Variants in ERC2 observed in about 807,000 individuals in gnomAD.
ERC2 encodes the protein ERC protein 2.
Under a neutral mutation model 114.8 loss-of-function variants are expected in ERC2, and 42 were observed. The observed-to-expected ratio is 0.37, with a 90% CI of 0.29 to 0.47. ERC2 has a LOEUF of 0.47. ERC2 is among the 20% of genes least tolerant of loss of function. The pLI is 0.99. For missense variants in ERC2, 939 were observed against 1,150.7 expected (o/e 0.82, Z 2.66); for synonymous variants, 454 against 425.5 (o/e 1.07, Z -0.82).
In ERC2 at chr3:55,729,837, C is replaced by CAAAAAAAAAAAAAA. The variant is rs71096498; in HGVS notation, c.2712+4920_2712+4933dup. Among the ~76,000 whole-genome samples the CAAAAAAAAAAAAAA allele has an allele frequency of 4.1e-3, 252 of 61,634 alleles. 76 individuals carry two copies. The highest frequency in any genetic ancestry group is 7.4e-3 in the African/African-American group (86 of 11,690). 40.4% of individuals were successfully genotyped at this position (61,634 alleles called of 152,430 possible). On this transcript the variant is annotated intron_variant, in intron 15 of 17. Transcript: ENST00000288221. ...AGGGTAATGCAGTGAGACTCTATCG[C>CAAAAAAAAAAAAAA]AAAAAAAAAAAAAAAAAAAAAAAAA... is the stretch of plus-strand genomic sequence containing the variant.
chr3:55,649,389 T>C lies in ERC2; in HGVS notation c.*39+34405A>G, dbSNP rs536630817. Among the ~76,000 whole-genome samples the C allele has an allele frequency of 2.6e-4, 40 of 151,482 alleles. No individual in the cohort carries two copies. In the South Asian group the frequency reaches 7.7e-3, roughly 29 times the overall value. On this transcript the variant is annotated intron_variant, in intron 17 of 17. Coordinates refer to ENST00000288221, the MANE Select transcript of ERC2 (RefSeq NM_015576.3). ...AATTCTCCTGCCTCAGCCTCCCGAG[T>C]AGCTGGGACTACAGGCGCGCACCAC... is the stretch of plus-strand genomic sequence containing the variant.
intron 14 of ERC2, among the ~76,000 whole-genome samples, chr3:55,883,824 C>T (rs896027312): frequency 6.6e-6 from 1 of 151,916 alleles, no homozygotes; most frequent in African/African-American, 2.4e-5. Context: ...GGAGGCAGAG[C>T]TTGCAGTGAG....
intron 3 of ERC2, among the ~76,000 whole-genome samples, chr3:56,220,450 A>G (rs965190512): frequency 2.6e-5 from 4 of 152,234 alleles, no homozygotes; most frequent in Non-Finnish European, 4.4e-5. Flanking sequence ...TGAAGCAGAA[A>G]TGTATTGAAA....
chr3:56,430,964 G>C (rs2061764501), intron 2 of ERC2, among the ~76,000 whole-genome samples: 1 of 152,114 alleles, frequency 6.6e-6, no homozygotes. Flanking sequence ...GCATGAAATA[G>C]ACCAATGCCT....
At chr3:56,417,296 T>C (rs2061204400) in intron 2 of ERC2, among the ~76,000 whole-genome samples, 1 of 152,214 alleles carries the variant, frequency 6.6e-6, no homozygotes, top group Non-Finnish European at 1.5e-5. Flanking sequence ...CCTACAATGA[T>C]AGTGAATTTA....
rs565699794 is a variant in ERC2, at chr3:56,414,386, TG to T, written c.657+19964del. ...GGCCCTTTCCCATTTTCTGGTTCTG[TG>T]GGGGTAGCTCTTAAATTCCTTGAAG... On this transcript the variant is annotated intron_variant, in intron 2 of 17. Coordinates refer to ENST00000288221, the MANE Select transcript of ERC2 (RefSeq NM_015576.3). 3.3e-5 allele frequency among the ~76,000 whole-genome samples: 5 copies of T among 152,304 alleles called. No individual in the cohort carries two copies. In the South Asian group the frequency reaches 1.0e-3, roughly 32 times the overall value.
intron 6 of ERC2, among the ~76,000 whole-genome samples, chr3:56,105,390 A>T (rs879607478): frequency 9.5e-6 from 1 of 104,844 alleles, no homozygotes; most frequent in Non-Finnish European, 2.1e-5. Context: ...TGCAACTCCA[A>T]CCAACTCCAA....
At chr3:56,350,078 C>T (rs1211036832) in intron 2 of ERC2, among the ~76,000 whole-genome samples, 1 of 152,138 alleles carries the variant, frequency 6.6e-6, no homozygotes. Context: ...AAATGTCTAG[C>T]CCAGAACAAC....
At chr3:55,949,324 C>A (rs531738437) in intron 13 of ERC2, among the ~76,000 whole-genome samples, 2 of 151,846 alleles carry the variant, frequency 1.3e-5, no homozygotes, top group Non-Finnish European at 2.9e-5. Context: ...GACCCAAGAT[C>A]GCGCCACTGC....
intron 7 of ERC2, among the ~76,000 whole-genome samples, chr3:56,079,475 T>C (rs746336231): frequency 1.5e-3 from 226 of 152,194 alleles, no homozygotes; most frequent in Non-Finnish European, 2.2e-3. Context: ...CAGTGACTGA[T>C]GTAGTCTGAG....
chr3:55,720,924 A>T (rs1416725394), intron 15 of ERC2, among the ~76,000 whole-genome samples: 1 of 152,220 alleles, frequency 6.6e-6, no homozygotes, highest in Non-Finnish European at 1.5e-5. Context: ...CCCAGAGAAG[A>T]TGCTTCAAGA....
chr3:55,692,397 T>G (rs2062712671), intron 16 of ERC2, among the ~76,000 whole-genome samples: 2 of 152,232 alleles, frequency 1.3e-5, no homozygotes, highest in East Asian at 3.9e-4. Context: ...AAAAAAGAAC[T>G]AGGGCCAGGA....
rs193144759 is a variant in ERC2, at chr3:55,615,299, T to G, written c.*39+68495A>C. Among the ~76,000 whole-genome samples, 739 of 152,332 alleles carry G rather than the reference T, an allele frequency of 4.9e-3. 11 individuals are homozygous for G. Among genetic ancestry groups the G allele is most frequent in the African/African-American group, 0.017 (700 of 41,576 alleles). Reference sequence around the variant, plus strand: ...GACAAAGTTGACAAATTTCATGGCTTAGTCATGGTTAACATATCAGATTTC... The same window carrying G: ...GACAAAGTTGACAAATTTCATGGCTGAGTCATGGTTAACATATCAGATTTC... On this transcript the variant is annotated intron_variant, in intron 17 of 17. Transcript: ENST00000288221.
intron 2 of ERC2, among the ~76,000 whole-genome samples, chr3:56,380,319 C>A (rs1321155082): frequency 1.3e-5 from 2 of 152,070 alleles, no homozygotes; most frequent in Non-Finnish European, 2.9e-5. Context: ...TTGTCTGATT[C>A]TAAAGTATAT....
chr3:55,819,810 A>G (rs999468388), intron 14 of ERC2, among the ~76,000 whole-genome samples: 1 of 152,240 alleles, frequency 6.6e-6, no homozygotes, highest in Admixed American at 6.5e-5. Context: ...CAAAGGGTCC[A>G]ACTCAAACCT....
At chr3:55,605,154 C>T (rs778552051) in intron 17 of ERC2, among the ~76,000 whole-genome samples, 5 of 151,520 alleles carry the variant, frequency 3.3e-5, no homozygotes, top group East Asian at 1.9e-4. Flanking sequence ...CTCACTCTGT[C>T]GCCCATGCTG....
At chr3:56,426,526 T>G (rs1040115593) in intron 2 of ERC2, among the ~76,000 whole-genome samples, 1 of 152,246 alleles carries the variant, frequency 6.6e-6, no homozygotes, top group Non-Finnish European at 1.5e-5. Context: ...TTCCTCTACA[T>G]GACTGACTTT....
chr3:56,299,061 A>G (rs2055654674), intron 2 of ERC2, among the ~76,000 whole-genome samples: 1 of 148,854 alleles, frequency 6.7e-6, no homozygotes, highest in South Asian at 2.1e-4. Flanking sequence ...TTATATATCT[A>G]TATATATATA....
At chr3:56,413,448 G>A (rs1180833631) in intron 2 of ERC2, among the ~76,000 whole-genome samples, 1 of 152,168 alleles carries the variant, frequency 6.6e-6, no homozygotes, top group Non-Finnish European at 1.5e-5. Context: ...TTGGGTCCTG[G>A]GAATGGAGGG....
Sources: gnomAD v4.1 joint callset for allele counts (sites outside exome capture counted in the v4.1 genomes callset) on GRCh38, gnomAD v4.1.1 for gene constraint, MANE v1.5 for transcripts, NCBI Gene and HGNC (gene_info 2026-07-23, HGNC 2026-07-21) for gene names.